The following ACOX1 variants were observed in gnomAD, a reference collection of about 807,000 sequenced individuals.
The protein encoded by ACOX1 is peroxisomal acyl-coenzyme A oxidase 1.
ACOX1 carries 41 observed loss-of-function variants against 75.5 expected under a neutral mutation model. The ratio of observed to expected loss-of-function variants is 0.54; its 90% CI spans 0.42 to 0.70. The LOEUF is 0.70. ACOX1 is among the 30% of genes least tolerant of loss of function. The pLI is 0.00. For missense variants in ACOX1, 630 were observed against 837.5 expected (o/e 0.75, Z 3.06); for synonymous variants, 303 against 298.8 (o/e 1.01, Z -0.15).
chr17:75,973,637 C>T, intron 2 of ACOX1: 1 of 1,614,204 alleles, frequency 6.2e-7, no homozygotes, highest in Non-Finnish European at 8.5e-7. Flanking sequence ...TGGCCCATTT[C>T]CGTCTGGGCG....
At position 75,966,850 on chromosome 17, in the gene ACOX1, C is replaced by G. The variant is rs570417734; in HGVS notation, c.270-6475G>C. ...GTCAAAATTTATGTTAGAAGAAAAA[C>G]AAAGAAAGAAATAAACCTATCAATG... On this transcript the variant is annotated intron_variant, in intron 2 of 13. Coordinates refer to ENST00000293217, the MANE Select transcript of ACOX1 (RefSeq NM_004035.7). Among the ~76,000 whole-genome samples, 5 of 151,758 alleles carry G rather than the reference C, an allele frequency of 3.3e-5. No individual in the cohort carries two copies. The South Asian group carries it at 6.2e-4, about 19-fold the overall frequency.
chr17:75,977,950 C>T (rs1013749319), intron 2 of ACOX1, among the ~76,000 whole-genome samples: 8 of 152,162 alleles, frequency 5.3e-5, no homozygotes, highest in African/African-American at 1.7e-4. Context: ...AATGCTTTTA[C>T]AACATCCTTG....
In ACOX1 at chr17:75,946,301, AG is replaced by A; in HGVS notation, c.*446del. 1 of 195,412 alleles carries A rather than the reference AG, an allele frequency of 5.1e-6. No homozygotes were observed. Among genetic ancestry groups the A allele is most frequent in the Non-Finnish European group, 1.1e-5 (1 of 93,788 alleles). 12.1% of individuals were successfully genotyped at this position (195,412 alleles called of 1,614,324 possible). A position where few individuals can be genotyped will look rare whatever the true frequency, so the allele number is the denominator to read the frequency against. On this transcript the variant is annotated 3_prime_UTR_variant, in exon 14 of 14. Coordinates refer to ENST00000293217, the MANE Select transcript of ACOX1 (RefSeq NM_004035.7). ...TTTTCTTCAATCCTGCTTTTAAGCCAGGCCCCAGGGTAAGTCTGGTAGAACA... is the reference window on the plus strand; with the variant it reads ...TTTTCTTCAATCCTGCTTTTAAGCCAGCCCCAGGGTAAGTCTGGTAGAACA...
intron 4 of ACOX1, among the ~76,000 whole-genome samples, chr17:75,956,575 C>A (rs945333298): frequency 6.6e-6 from 1 of 151,532 alleles, no homozygotes; most frequent in South Asian, 2.1e-4. Context: ...GTAGTCCCAG[C>A]TACTCAGGAG....
At chr17:75,947,595 A>T (rs2065733327) in intron 13 of ACOX1, among the ~76,000 whole-genome samples, 1 of 152,138 alleles carries the variant, frequency 6.6e-6, no homozygotes, top group South Asian at 2.1e-4. Context: ...CAGATGAAAC[A>T]CAACTAGCCA....
intron 2 of ACOX1, chr17:75,973,782 T>C (rs756415203): frequency 5.0e-6 from 8 of 1,614,072 alleles, no homozygotes; most frequent in Non-Finnish European, 6.8e-6. Context: ...TGACCAAATG[T>C]AGTCTACAGG....
chr17:75,949,663 C>T (rs2065755810), intron 10 of ACOX1, 55 bp downstream of exon 10: 2 of 1,613,478 alleles, frequency 1.2e-6, no homozygotes, highest in Non-Finnish European at 1.7e-6. Flanking sequence ...TTCTTGCCAT[C>T]TGTCAGGGCC....
chr17:75,977,787 T>C (rs1356159641), intron 2 of ACOX1, among the ~76,000 whole-genome samples: 1 of 152,126 alleles, frequency 6.6e-6, no homozygotes, highest in African/African-American at 2.4e-5. Flanking sequence ...CACACTACCA[T>C]ATAATATAAT....
chr17:75,952,658 C>T (rs939682101), intron 7 of ACOX1, among the ~76,000 whole-genome samples: 3 of 151,356 alleles, frequency 2.0e-5, no homozygotes, highest in Admixed American at 6.6e-5. Flanking sequence ...GGCGAAATTC[C>T]GTCTCTACTA....
At position 75,951,103 on chromosome 17, in the gene ACOX1, C is replaced by T. The variant is rs917292926; in HGVS notation, c.1108-139G>A. ...ACACATGCAAACTGAAGAAGCACAG[C>T]TGTCCGACTGGCCAGAAGAATACAG... is the stretch of plus-strand genomic sequence containing the variant. On this transcript the variant is annotated intron_variant, in intron 8 of 13. Transcript: ENST00000293217. The T allele has an allele frequency of 2.4e-5, 23 of 952,382 alleles. 1 individual carries two copies. The Middle Eastern group carries it at 9.3e-4, about 39-fold the overall frequency. 59.0% of individuals were successfully genotyped at this position (952,382 alleles called of 1,614,324 possible).
Position 75,946,813 on chromosome 17 carries a change from A to G in ACOX1, c.1936-18T>C. ...TCGTGGACCTGTGGGGAAAGGAGAG[A>G]GAAGAACTACTAATAAAGAGTTTGC... On this transcript the variant is annotated intron_variant, in intron 13 of 13. Transcript: ENST00000293217. The G allele has an allele frequency of 6.2e-7, 1 of 1,611,362 alleles. No individual in the cohort carries two copies. The highest frequency in any genetic ancestry group is 8.5e-7 in the Non-Finnish European group (1 of 1,177,652).
intron 4 of ACOX1, 45 bp from the exon 5 acceptor site, chr17:75,955,992 A>G: frequency 6.2e-7 from 1 of 1,613,184 alleles, no homozygotes. Context: ...AAACGTTCAT[A>G]CATTTTTAAA....
At chr17:75,949,129 G>A (rs910484148) in intron 12 of ACOX1, 88 bp downstream of exon 12, 13 of 1,516,438 alleles carry the variant, frequency 8.6e-6, no homozygotes, top group South Asian at 7.9e-5. Context: ...CAAAGTGCTG[G>A]GATTACAGGC....
At position 75,951,509 on chromosome 17, in the gene ACOX1, G is replaced by A; in HGVS notation, c.1013C>T (p.Ala338Val). 6.2e-7 allele frequency: 1 copy of A among 1,614,150 alleles called. No homozygotes were observed. The highest frequency in any genetic ancestry group is 1.1e-5 in the South Asian group (1 of 91,082). ...TGCGCCCACAAACTGGAAGGCATAGGCAGTGGCCAGGAGTGGAAAGAGTTT... is the reference window on the plus strand; with the variant it reads ...TGCGCCCACAAACTGGAAGGCATAGACAGTGGCCAGGAGTGGAAAGAGTTT... Reference protein sequence around the residue: ...QYKLFPLLATAYAFQFVGAYM... With the variant: ...QYKLFPLLATVYAFQFVGAYM... The change falls in exon 8 of 14, where the codon GCC becomes GTC. Residue 338 changes from alanine (A) to valine (V), a missense_variant. Physicochemically the swap from Ala to Val is moderately conservative, Grantham distance 64. This residue lies in a region of ACOX1 where 390 missense variants were observed against 574.9 expected (regional missense o/e 0.68). Coordinates refer to ENST00000293217, the MANE Select transcript of ACOX1 (RefSeq NM_004035.7).
intron 2 of ACOX1, among the ~76,000 whole-genome samples, chr17:75,963,071 C>T (rs1443403154): frequency 6.6e-6 from 1 of 151,700 alleles, no homozygotes; most frequent in African/African-American, 2.4e-5. Context: ...GCAAAGGTTG[C>T]AGTGAGCCAC....
intron 2 of ACOX1, among the ~76,000 whole-genome samples, chr17:75,961,745 G>A (rs988695068): frequency 2.8e-4 from 40 of 143,600 alleles, no homozygotes; most frequent in African/African-American, 1.0e-3. Flanking sequence ...GGGCAACAGA[G>A]CGAGACTCTG....
At chr17:75,958,958 C>T (rs1249661759) in intron 3 of ACOX1, among the ~76,000 whole-genome samples, 1 of 152,114 alleles carries the variant, frequency 6.6e-6, no homozygotes, top group Non-Finnish European at 1.5e-5. Flanking sequence ...CCTGCTGGTT[C>T]ATTAATGTGG....
intron 13 of ACOX1, among the ~76,000 whole-genome samples, chr17:75,947,743 C>G (rs1187068435): frequency 1.4e-5 from 2 of 140,740 alleles, no homozygotes; most frequent in Non-Finnish European, 3.1e-5. Flanking sequence ...GAGTTTTGCT[C>G]TTGTCACCCA....
chr17:75,974,595 C>G (rs372662512), intron 2 of ACOX1, among the ~76,000 whole-genome samples: 3 of 152,156 alleles, frequency 2.0e-5, no homozygotes, highest in Non-Finnish European at 4.4e-5. Flanking sequence ...CTGATCTTCA[C>G]GACTTCTCAA....
Sources: allele counts gnomAD v4.1 joint callset (sites outside exome capture counted in the v4.1 genomes callset), GRCh38; gene constraint gnomAD v4.1.1; regional missense constraint gnomAD v4.1.1; transcripts MANE v1.5; gene names NCBI Gene and HGNC (gene_info 2026-07-23, HGNC 2026-07-21).